SLC44A5: variants seen among roughly 807,000 people sequenced by gnomAD.
SLC44A5 encodes solute carrier family 44 member 5.
A neutral mutation model predicts 101.8 loss-of-function variants in SLC44A5; 57 were observed. That is an observed-to-expected ratio of 0.56 (90% CI 0.45 to 0.70). The LOEUF is 0.70. Among genes scored for constraint, SLC44A5 ranks in the 30% least tolerant of loss-of-function variants. The pLI is 0.00. For synonymous variants in SLC44A5, 281 were observed against 290.9 expected, an observed-to-expected ratio of 0.97 and a Z score of 0.35; for missense variants, 737 against 853.1, an observed-to-expected ratio of 0.86 and a Z score of 1.70.
At chr1:75,702,192 C>T in the SLC44A5 span, among the ~76,000 whole-genome samples, 2,387 of 152,258 alleles carry the variant, frequency 0.016, 73 homozygotes, top group African/African-American at 0.053. Flanking sequence ...AAAGAGCCCG[C>T]ATTGCCAAGT....
At chr1:75,356,009 TCA>T in intron 3 of SLC44A5, among the ~76,000 whole-genome samples, 1 of 151,676 alleles carries the variant, frequency 6.6e-6, no homozygotes, top group Non-Finnish European at 1.5e-5. Context: ...GTCAGGAGTT[TCA>T]GACCAGCCTC....
intron 7 of SLC44A5, among the ~76,000 whole-genome samples, chr1:75,246,452 G>A (rs183940562): frequency 6.6e-6 from 1 of 152,182 alleles, no homozygotes; most frequent in Non-Finnish European, 1.5e-5. Context: ...CCTACTCTGA[G>A]CCTGTTCCAG....
chr1:75,590,815 T>C (rs1674309680), intron 1 of SLC44A5, among the ~76,000 whole-genome samples: 1 of 151,932 alleles, frequency 6.6e-6, no homozygotes, highest in African/African-American at 2.4e-5. Flanking sequence ...ATTCCTAAGG[T>C]TTTTGATTCT....
intron 12 of SLC44A5, among the ~76,000 whole-genome samples, 192 bp from the exon 13 acceptor site, chr1:75,228,049 G>A (rs919299809): frequency 2.0e-5 from 3 of 152,102 alleles, no homozygotes; most frequent in African/African-American, 7.2e-5. Context: ...TGATATAAAT[G>A]TTTTCAGTAT....
At chr1:75,451,060 C>A (rs183075708) in intron 2 of SLC44A5, among the ~76,000 whole-genome samples, 194 of 152,280 alleles carry the variant, frequency 1.3e-3, no homozygotes, top group African/African-American at 4.5e-3. Flanking sequence ...AAGGAGGTTT[C>A]CCAGCTGCAT....
At chr1:75,463,987 C>T (rs1666664058) in intron 2 of SLC44A5, among the ~76,000 whole-genome samples, 2 of 151,952 alleles carry the variant, frequency 1.3e-5, no homozygotes, top group African/African-American at 2.4e-5. Context: ...CTTTGAGAGG[C>T]CAAGGCAGGA....
At chr1:75,302,125 T>TTG (rs1654530005) in intron 4 of SLC44A5, among the ~76,000 whole-genome samples, 2 of 140,494 alleles carry the variant, frequency 1.4e-5, no homozygotes, top group Admixed American at 1.5e-4. Flanking sequence ...TTTTTTTTTT[T>TTG]TTTTTTTTTT....
chr1:75,325,203 C>G (rs1481967766), intron 4 of SLC44A5, among the ~76,000 whole-genome samples: 1 of 152,110 alleles, frequency 6.6e-6, no homozygotes, highest in Non-Finnish European at 1.5e-5. Flanking sequence ...AACATGTGGA[C>G]TTGACCTTCA....
At chr1:75,670,735 G>A in the SLC44A5 span, among the ~76,000 whole-genome samples, 4 of 152,140 alleles carry the variant, frequency 2.6e-5, no homozygotes, top group Non-Finnish European at 5.9e-5. Context: ...TTCTGACAAG[G>A]AGTAAGATAG....
chr1:75,601,559 G>T (rs1674985603), intron 1 of SLC44A5, among the ~76,000 whole-genome samples: 1 of 152,098 alleles, frequency 6.6e-6, no homozygotes, highest in East Asian at 1.9e-4. Context: ...TAACATCCTT[G>T]AACTTAATAC....
At chr1:75,401,958 C>T (rs1253315049) in intron 2 of SLC44A5, among the ~76,000 whole-genome samples, 3 of 152,086 alleles carry the variant, frequency 2.0e-5, no homozygotes, top group Non-Finnish European at 4.4e-5. Flanking sequence ...AGAGACGGCC[C>T]AGAGAAAGGC....
the SLC44A5 span, among the ~76,000 whole-genome samples, chr1:75,674,775 G>A: frequency 6.6e-6 from 1 of 152,222 alleles, no homozygotes; most frequent in Non-Finnish European, 1.5e-5. Context: ...TTAAAGAGGA[G>A]ATAGAGAAAG....
intron 2 of SLC44A5, among the ~76,000 whole-genome samples, chr1:75,490,924 C>CT (rs945125080): frequency 9.9e-5 from 15 of 151,546 alleles, no homozygotes; most frequent in East Asian, 5.8e-4. Flanking sequence ...AGTAAATCTA[C>CT]TTTTTTAAAA....
intron 2 of SLC44A5, among the ~76,000 whole-genome samples, chr1:75,526,039 T>A (rs1192137546): frequency 6.6e-6 from 1 of 152,194 alleles, no homozygotes; most frequent in Non-Finnish European, 1.5e-5. Context: ...TAAAGCAGCA[T>A]AATTAGTAGT....
chr1:75,655,242 A>G, the SLC44A5 span, among the ~76,000 whole-genome samples: 1 of 152,204 alleles, frequency 6.6e-6, no homozygotes, highest in Non-Finnish European at 1.5e-5. Flanking sequence ...CCAATCCCCC[A>G]TGACACACAA....
At chr1:75,699,522 C>A in the SLC44A5 span, among the ~76,000 whole-genome samples, 36 of 149,892 alleles carry the variant, frequency 2.4e-4, no homozygotes, top group African/African-American at 8.6e-4. Flanking sequence ...TGGAAAGGAA[C>A]AACTGGTACC....
chr1:75,543,576 T>TATATATATATATAAATAA (rs1671470070), intron 1 of SLC44A5, among the ~76,000 whole-genome samples: 1 of 119,462 alleles, frequency 8.4e-6, no homozygotes. Flanking sequence ...GAAAAGTTCC[T>TATATATATATATAAATAA]ATATATATAT....
Position 75,399,575 on chromosome 1 carries a change from G to A in SLC44A5, c.14-2954C>T, listed in dbSNP as rs539094535. 1.8e-3 allele frequency among the ~76,000 whole-genome samples: 275 copies of A among 152,042 alleles called. 3 individuals are homozygous for A. Among genetic ancestry groups the A allele is most frequent in the Middle Eastern group, 6.8e-3 (2 of 292 alleles). ...AGAATGTGGTAAATACAGTGTTGGG[G>A]GACAATTGGGGCAATCTGAATTAGA... On this transcript the variant is annotated intron_variant, in intron 2 of 23. Transcript: ENST00000370859.
At chr1:75,362,090 CAT>C (rs1659527732) in intron 3 of SLC44A5, among the ~76,000 whole-genome samples, 1 of 151,892 alleles carries the variant, frequency 6.6e-6, no homozygotes, top group Non-Finnish European at 1.5e-5. Flanking sequence ...AATTTGTTGA[CAT>C]ATAATTATTC....
Sources: gnomAD v4.1 joint callset for allele counts (sites outside exome capture counted in the v4.1 genomes callset) on GRCh38, gnomAD v4.1.1 for gene constraint, MANE v1.5 for transcripts, NCBI Gene and HGNC (gene_info 2026-07-23, HGNC 2026-07-21) for gene names.